The following OSBP2 variants were observed in gnomAD, a reference collection of about 807,000 sequenced individuals.
OSBP2 encodes the protein oxysterol binding protein 2, also known as oxysterol-binding protein 2.
A neutral mutation model predicts 96.0 loss-of-function variants in OSBP2; 66 were observed. That is an observed-to-expected ratio of 0.69 (90% CI 0.56 to 0.84). The LOEUF is 0.84. Among genes scored for constraint, OSBP2 ranks in the 40% least tolerant of loss-of-function variants. The pLI is 0.00. For synonymous variants in OSBP2, 525 were observed against 520.9 expected, an observed-to-expected ratio of 1.01 and a Z score of -0.11; for missense variants, 1,038 against 1,222.7, an observed-to-expected ratio of 0.85 and a Z score of 2.25.
intron 3 of OSBP2, among the ~76,000 whole-genome samples, chr22:30,875,719 C>T (rs569095987): frequency 6.6e-6 from 1 of 152,274 alleles, no homozygotes; most frequent in Admixed American, 6.5e-5. Context: ...CTTTGTGGGC[C>T]TTGGAAGGAC....
chr22:30,735,896 G>A (rs1323252917), intron 1 of OSBP2, among the ~76,000 whole-genome samples: 1 of 144,098 alleles, frequency 6.9e-6, no homozygotes, highest in Admixed American at 7.0e-5. Context: ...CTAATTTTTG[G>A]TATTTTTAAA....
At chr22:30,729,434 T>G (rs1360597349) in intron 1 of OSBP2, among the ~76,000 whole-genome samples, 1 of 152,150 alleles carries the variant, frequency 6.6e-6, no homozygotes, top group Non-Finnish European at 1.5e-5. Flanking sequence ...GGTCAGGAGC[T>G]TCTGACCAGC....
At chr22:30,834,056 A>AT (rs577533623) in intron 2 of OSBP2, among the ~76,000 whole-genome samples, 8,400 of 146,804 alleles carry the variant, frequency 0.057, 704 homozygotes, top group African/African-American at 0.19. Flanking sequence ...CCATCAGTCC[A>AT]TTTTTTTTTT....
chr22:30,818,294 A>T (rs1443747561), intron 2 of OSBP2, among the ~76,000 whole-genome samples: 1 of 150,410 alleles, frequency 6.6e-6, no homozygotes, highest in Non-Finnish European at 1.5e-5. Context: ...TTTTTTTTTT[A>T]GCACGGTTTA....
At chr22:30,731,152 C>T (rs1037319324) in intron 1 of OSBP2, among the ~76,000 whole-genome samples, 2 of 151,582 alleles carry the variant, frequency 1.3e-5, no homozygotes, top group African/African-American at 2.4e-5. Flanking sequence ...CCAGCCTGGG[C>T]GGCAGAGTGA....
chr22:30,766,650 C>T (rs2090274177), intron 2 of OSBP2, among the ~76,000 whole-genome samples: 1 of 152,098 alleles, frequency 6.6e-6, no homozygotes, highest in Non-Finnish European at 1.5e-5. Context: ...TCTTCTCTGC[C>T]CTGACTCACA....
intron 1 of OSBP2, among the ~76,000 whole-genome samples, chr22:30,714,158 G>C (rs752836134): frequency 1.1e-4 from 17 of 152,064 alleles, no homozygotes; most frequent in Non-Finnish European, 2.5e-4. Flanking sequence ...GAGAACATGT[G>C]GTATTTGTCT....
At chr22:30,786,685 T>C (rs1251949364) in intron 2 of OSBP2, among the ~76,000 whole-genome samples, 1 of 110,482 alleles carries the variant, frequency 9.1e-6, no homozygotes, top group Middle Eastern at 0.012. Context: ...TTCAGAGAGC[T>C]AAAGACACCT....
intron 2 of OSBP2, among the ~76,000 whole-genome samples, chr22:30,820,995 G>A (rs2038260223): frequency 6.6e-6 from 1 of 152,216 alleles, no homozygotes; most frequent in African/African-American, 2.4e-5. Context: ...TTAAATTGGT[G>A]AAAATGGATT....
intron 1 of OSBP2, among the ~76,000 whole-genome samples, chr22:30,731,014 G>T (rs1335436632): frequency 6.7e-6 from 1 of 149,502 alleles, no homozygotes; most frequent in Non-Finnish European, 1.5e-5. Flanking sequence ...CTTTACTAAA[G>T]ATGCAAAAAA....
intron 2 of OSBP2, among the ~76,000 whole-genome samples, chr22:30,816,034 T>C (rs2091079724): frequency 6.6e-6 from 1 of 152,168 alleles, no homozygotes; most frequent in Admixed American, 6.5e-5. Context: ...TATCATGTTA[T>C]GGAACAAGCA....
At chr22:30,757,592 A>G (rs1035892948) in intron 2 of OSBP2, among the ~76,000 whole-genome samples, 1 of 151,092 alleles carries the variant, frequency 6.6e-6, no homozygotes, top group African/African-American at 2.4e-5. Flanking sequence ...TAATTTTTGT[A>G]TTTTCGGTAG....
intron 1 of OSBP2, among the ~76,000 whole-genome samples, chr22:30,698,383 A>G (rs936761723): frequency 6.6e-6 from 1 of 151,108 alleles, no homozygotes; most frequent in Admixed American, 6.6e-5. Context: ...AATCAGGGCC[A>G]TTTCTCTTGC....
Position 30,870,324 on chromosome 22 carries a change from T to G in OSBP2, c.854-105T>G, listed in dbSNP as rs2039431373. On this transcript the variant is annotated intron_variant, in intron 2 of 13. Coordinates refer to ENST00000332585, the MANE Select transcript of OSBP2 (RefSeq NM_030758.4). The surrounding 1 kb of genome is among the most constrained non-coding windows in gnomAD (Gnocchi z 4.1). The stretch of plus-strand genomic sequence containing the variant: ...CGGGCACCATCTCGGGGACTGATGT[T>G]TTTTGAATGGCGCTATCCACCCTGC... 2 of 1,221,866 alleles carry G rather than the reference T, an allele frequency of 1.6e-6. No homozygotes were observed. Among genetic ancestry groups the G allele is most frequent in the Non-Finnish European group, 2.3e-6 (2 of 866,230 alleles). The allele number at this position is 1,221,866 out of a possible 1,614,324, so 75.7% of individuals were successfully genotyped here.
intron 2 of OSBP2, among the ~76,000 whole-genome samples, chr22:30,797,171 T>C (rs534756524): frequency 6.6e-6 from 1 of 152,398 alleles, no homozygotes; most frequent in East Asian, 1.9e-4. Context: ...TAGCATATGA[T>C]AGAATTTCCT....
intron 3 of OSBP2, among the ~76,000 whole-genome samples, chr22:30,885,123 C>G (rs1277585436): frequency 2.6e-5 from 4 of 152,156 alleles, no homozygotes; most frequent in Non-Finnish European, 5.9e-5. Context: ...GCTGCCTTGT[C>G]CCTGTGTCAC....
At chr22:30,874,435 G>A (rs1187801423) in intron 3 of OSBP2, among the ~76,000 whole-genome samples, 1 of 151,910 alleles carries the variant, frequency 6.6e-6, no homozygotes, top group African/African-American at 2.4e-5. Flanking sequence ...AAGAAAAAAA[G>A]AAAAGTCAGG....
At chr22:30,806,334 G>A (rs1244199573) in intron 2 of OSBP2, among the ~76,000 whole-genome samples, 3 of 152,168 alleles carry the variant, frequency 2.0e-5, no homozygotes, top group Non-Finnish European at 4.4e-5. Flanking sequence ...GCGCCCCATC[G>A]CTTAGTGGCA....
At chr22:30,903,314 G>A (rs528937846) in intron 12 of OSBP2, among the ~76,000 whole-genome samples, 15 of 152,332 alleles carry the variant, frequency 9.8e-5, no homozygotes, top group African/African-American at 2.9e-4. Flanking sequence ...CAGCTGTGAT[G>A]GACATAGAGA....
Sources: gnomAD v4.1 joint callset for allele counts (sites outside exome capture counted in the v4.1 genomes callset) on GRCh38, gnomAD v4.1.1 for gene constraint, Gnocchi (gnomAD v3.1) non-coding constraint, MANE v1.5 for transcripts, NCBI Gene and HGNC (gene_info 2026-07-23, HGNC 2026-07-21) for gene names.